Variants in PDE1A observed in about 807,000 individuals in gnomAD.
The protein encoded by PDE1A is dual specificity calcium/calmodulin-dependent 3',5'-cyclic nucleotide phosphodiesterase 1A.
In PDE1A, 35 loss-of-function variants were observed where a neutral mutation model predicts 61.7. The ratio of observed to expected loss-of-function variants is 0.57; its 90% CI spans 0.43 to 0.75. The LOEUF (loss-of-function observed/expected upper bound fraction) is 0.75. Among genes scored for constraint, PDE1A ranks in the 30% least tolerant of loss-of-function variants. The pLI is 0.00. For missense variants in PDE1A, 597 were observed against 630.6 expected, an observed-to-expected ratio of 0.95 and a Z score of 0.57; for synonymous variants, 232 against 213.2, an observed-to-expected ratio of 1.09 and a Z score of -0.77.
the PDE1A span, among the ~76,000 whole-genome samples, chr2:182,560,313 G>A: frequency 2.7e-5 from 4 of 148,644 alleles, no homozygotes; most frequent in African/African-American, 5.0e-5. Flanking sequence ...AATATGCGGT[G>A]TTTGGTTTTT....
the PDE1A span, among the ~76,000 whole-genome samples, chr2:182,543,682 T>C: frequency 1.3e-5 from 2 of 152,296 alleles, no homozygotes; most frequent in Admixed American, 6.5e-5. Context: ...ACAGTTCTTT[T>C]AGAAATTTTT....
At chr2:182,565,046 C>G in the PDE1A span, among the ~76,000 whole-genome samples, 3 of 152,184 alleles carry the variant, frequency 2.0e-5, no homozygotes, top group Non-Finnish European at 4.4e-5. Context: ...GCCTTCTTCT[C>G]TCAACTCGTC....
chr2:182,645,954 G>A, the PDE1A span, among the ~76,000 whole-genome samples: 1 of 152,138 alleles, frequency 6.6e-6, no homozygotes, highest in Non-Finnish European at 1.5e-5. Context: ...TGCTGAATGA[G>A]TGATTCGTAT....
chr2:182,299,460 T>C (rs1695091889), intron 1 of PDE1A, among the ~76,000 whole-genome samples: 1 of 145,858 alleles, frequency 6.9e-6, no homozygotes, highest in African/African-American at 2.6e-5. Context: ...AAATGCAATG[T>C]GGCATCCTAG....
chr2:182,479,425 C>T (rs1687570414), intron 2 of PDE1A, among the ~76,000 whole-genome samples: 1 of 151,764 alleles, frequency 6.6e-6, no homozygotes, highest in African/African-American at 2.4e-5. Flanking sequence ...AATTTAACCC[C>T]TAATTAACAG....
chr2:182,185,711 C>T lies in PDE1A; in HGVS notation c.1516+181G>A, dbSNP rs1160662844. On this transcript the variant is annotated intron_variant, in intron 13 of 13. Coordinates refer to ENST00000351439, the Ensembl canonical transcript of PDE1A. Reference sequence around the variant, plus strand: ...CCATGTGGCACAAACAAACCAGAACCTCTTTTTATCTAATAAATGAGCCAA... The same window carrying T: ...CCATGTGGCACAAACAAACCAGAACTTCTTTTTATCTAATAAATGAGCCAA... The T allele has an allele frequency of 3.3e-6, 4 of 1,202,658 alleles. No individual in the cohort carries two copies. In the Admixed American group the frequency reaches 1.0e-4, roughly 31 times the overall value. The allele number at this position is 1,202,658 out of a possible 1,614,324, so 74.5% of individuals were successfully genotyped here. A position where few individuals can be genotyped will look rare whatever the true frequency, so the allele number is the denominator to read the frequency against.
chr2:182,193,620 G>A (rs545911443), intron 10 of PDE1A, among the ~76,000 whole-genome samples: 3 of 152,142 alleles, frequency 2.0e-5, no homozygotes, highest in African/African-American at 7.2e-5. Context: ...TTCTACAAAT[G>A]GGCCCTTCTA....
chr2:182,256,038 C>CTTTTTTTTTTTTTTTTTTTTTTTTTT (rs755211798), intron 2 of PDE1A, among the ~76,000 whole-genome samples: 2 of 92,328 alleles, frequency 2.2e-5, no homozygotes, highest in African/African-American at 4.1e-5. Flanking sequence ...AGGATGACTT[C>CTTTTTTTTTTTTTTTTTTTTTTTTTT]TTTTTTTTTT....
chr2:182,609,568 GTC>G, the PDE1A span, among the ~76,000 whole-genome samples: 18 of 152,128 alleles, frequency 1.2e-4, no homozygotes, highest in Non-Finnish European at 2.6e-4. Context: ...CAGACGTGCC[GTC>G]TTAAGAGCTG....
At chr2:182,278,312 A>G (rs1693576673) in intron 1 of PDE1A, among the ~76,000 whole-genome samples, 1 of 152,026 alleles carries the variant, frequency 6.6e-6, no homozygotes, top group Non-Finnish European at 1.5e-5. Flanking sequence ...CACACACAAA[A>G]GTGGATATAA....
At chr2:182,579,199 A>G in the PDE1A span, among the ~76,000 whole-genome samples, 3 of 152,244 alleles carry the variant, frequency 2.0e-5, no homozygotes, top group Non-Finnish European at 4.4e-5. Flanking sequence ...AGAAATACTT[A>G]TTAGTTGACC....
intron 1 of PDE1A, among the ~76,000 whole-genome samples, chr2:182,365,805 T>G (rs1441720633): frequency 6.6e-6 from 1 of 152,040 alleles, no homozygotes; most frequent in African/African-American, 2.4e-5. Flanking sequence ...AATCTATCCC[T>G]CATGTTGTAT....
At chr2:182,276,987 C>T (rs1185350046) in intron 1 of PDE1A, among the ~76,000 whole-genome samples, 1 of 152,034 alleles carries the variant, frequency 6.6e-6, no homozygotes, top group Non-Finnish European at 1.5e-5. Flanking sequence ...CTCTCGAACG[C>T]TGTTTTCTGT....
intron 1 of PDE1A, among the ~76,000 whole-genome samples, chr2:182,400,451 T>C (rs947167722): frequency 4.6e-5 from 7 of 152,186 alleles, no homozygotes; most frequent in African/African-American, 1.4e-4. Context: ...CCTTCGTATA[T>C]GGCCCCAGAA....
intron 1 of PDE1A, among the ~76,000 whole-genome samples, chr2:182,298,140 C>T (rs908373852): frequency 3.3e-5 from 5 of 152,182 alleles, no homozygotes; most frequent in African/African-American, 7.2e-5. Flanking sequence ...CAATTGTTAA[C>T]TCATCTGTGA....
the PDE1A span, among the ~76,000 whole-genome samples, chr2:182,563,692 A>C: frequency 1.3e-5 from 2 of 152,130 alleles, no homozygotes; most frequent in Non-Finnish European, 1.5e-5. Flanking sequence ...TGGGAGTCTA[A>C]GTCTCTTTGT....
chr2:182,178,061 C>T (rs1364551565), intron 13 of PDE1A, among the ~76,000 whole-genome samples: 1 of 152,120 alleles, frequency 6.6e-6, no homozygotes, highest in Non-Finnish European at 1.5e-5. Flanking sequence ...TGAGCTGATA[C>T]AGTGAATCAT....
the PDE1A span, among the ~76,000 whole-genome samples, chr2:182,584,957 CAA>C: frequency 2.6e-5 from 4 of 152,164 alleles, no homozygotes; most frequent in Admixed American, 1.3e-4. Context: ...ATACACAAAA[CAA>C]AATCAAACAA....
At chr2:182,386,830 G>A (rs1053956291) in intron 1 of PDE1A, among the ~76,000 whole-genome samples, 127 of 149,854 alleles carry the variant, frequency 8.5e-4, no homozygotes, top group African/African-American at 3.0e-3. Context: ...CCGCCGCCCC[G>A]TCTGGGAGGT....
Sources: allele counts gnomAD v4.1 joint callset (sites outside exome capture counted in the v4.1 genomes callset), GRCh38; gene constraint gnomAD v4.1.1; transcripts MANE v1.5; gene names NCBI Gene and HGNC (gene_info 2026-07-23, HGNC 2026-07-21).